Variants in INPP4B observed in about 807,000 individuals in gnomAD.
INPP4B encodes inositol polyphosphate 4-phosphatase type II.
In INPP4B, 55 loss-of-function variants were observed where a neutral mutation model predicts 122.5. The ratio of observed to expected loss-of-function variants is 0.45; its 90% CI spans 0.36 to 0.56. The LOEUF (loss-of-function observed/expected upper bound fraction) is 0.56. Among genes scored for constraint, INPP4B ranks in the 20% least tolerant of loss-of-function variants. The probability of loss-of-function intolerance (pLI) is 0.00; values close to 1 mark genes in which losing one functional copy is unlikely to be tolerated. For synonymous variants in INPP4B, 403 were observed against 388.7 expected, an observed-to-expected ratio of 1.04 and a Z score of -0.43; for missense variants, 1,000 against 1,097.7, an observed-to-expected ratio of 0.91 and a Z score of 1.26.
chr4:142,287,390 G>A (rs1754231347), intron 9 of INPP4B: 1 of 152,134 alleles, frequency 6.6e-6, no homozygotes, highest in Non-Finnish European at 1.5e-5. Context: ...GAGTTCATAA[G>A]CGTCGGCTGT....
chr4:142,099,734 AATC>A lies in INPP4B; in HGVS notation c.2374+8356_2374+8358del, dbSNP rs1783652644. Among the ~76,000 whole-genome samples, 5 of 152,298 alleles carry A rather than the reference AATC, an allele frequency of 3.3e-5. No individual in the cohort carries two copies. The South Asian group carries it at 1.0e-3, about 32-fold the overall frequency. ...ATCAAGGTAATCTCACATTGAACAG[AATC>A]ATCATTACTGCTGAGTTGTTTTACA... On this transcript the variant is annotated intron_variant, in intron 23 of 25. Coordinates refer to ENST00000262992, the MANE Select transcript of INPP4B (RefSeq NM_001101669.3).
intron 2 of INPP4B, among the ~76,000 whole-genome samples, chr4:142,539,173 A>G (rs1285867172): frequency 1.3e-5 from 2 of 148,914 alleles, no homozygotes; most frequent in African/African-American, 4.9e-5. Flanking sequence ...ATATATATAT[A>G]CTGCCAGATA....
chr4:142,157,421 TAGA>T (rs1311397824), intron 17 of INPP4B, among the ~76,000 whole-genome samples: 2 of 152,102 alleles, frequency 1.3e-5, no homozygotes, highest in Non-Finnish European at 2.9e-5. Flanking sequence ...AAAATTATAT[TAGA>T]AGGAGAGAAT....
At chr4:142,711,619 A>G (rs1322802180) in intron 2 of INPP4B, among the ~76,000 whole-genome samples, 2 of 152,156 alleles carry the variant, frequency 1.3e-5, no homozygotes, top group East Asian at 1.9e-4. Context: ...AGCCATTGCT[A>G]TGGTCTGAAT....
chr4:142,784,133 C>T (rs919005870), intron 1 of INPP4B, among the ~76,000 whole-genome samples: 2 of 151,958 alleles, frequency 1.3e-5, no homozygotes, highest in South Asian at 2.1e-4. Context: ...GAGGCTGAGG[C>T]GGGCAGATGG....
At chr4:142,640,519 C>A (rs1032474070) in intron 2 of INPP4B, among the ~76,000 whole-genome samples, 1 of 151,336 alleles carries the variant, frequency 6.6e-6, no homozygotes, top group South Asian at 2.1e-4. Flanking sequence ...TAGCAAAGGT[C>A]CTAAAATATA....
At chr4:142,331,530 G>C (rs1009268910) in intron 7 of INPP4B, among the ~76,000 whole-genome samples, 1 of 152,142 alleles carries the variant, frequency 6.6e-6, no homozygotes, top group South Asian at 2.1e-4. Context: ...CCTCTCACAT[G>C]CCAGATGATA....
chr4:142,086,049 C>T (rs1002648679), intron 24 of INPP4B, 95 bp downstream of exon 24: 24 of 808,978 alleles, frequency 3.0e-5, no homozygotes, highest in Non-Finnish European at 4.8e-5. Flanking sequence ...CCTGGCAACC[C>T]AAAGTGCAGA....
At chr4:142,591,703 C>T (rs777587323) in intron 2 of INPP4B, among the ~76,000 whole-genome samples, 9 of 152,054 alleles carry the variant, frequency 5.9e-5, no homozygotes, top group Non-Finnish European at 1.3e-4. Context: ...TCCTCAACAG[C>T]GCTAAGTAAT....
In INPP4B at chr4:142,689,376, C is replaced by G. The variant is rs563052370; in HGVS notation, c.-191+36463G>C. ...TACATGTTTGTTGGGTATGGACTAG[C>G]ACCCAGGACCATACGAAGGTCTCAG... On this transcript the variant is annotated intron_variant, in intron 2 of 25. Coordinates refer to ENST00000262992, the MANE Select transcript of INPP4B (RefSeq NM_001101669.3). Among the ~76,000 whole-genome samples, 101 of 152,266 alleles carry G rather than the reference C, an allele frequency of 6.6e-4. 1 individual carries two copies. The highest frequency in any genetic ancestry group is 5.6e-3 in the Admixed American group (85 of 15,284).
intron 1 of INPP4B, among the ~76,000 whole-genome samples, chr4:142,804,628 T>A (rs1325048093): frequency 6.6e-6 from 1 of 152,184 alleles, no homozygotes; most frequent in Non-Finnish European, 1.5e-5. Context: ...CGTTTTGATA[T>A]CACCTTCTAG....
chr4:142,230,643 C>A (rs1430083857), intron 12 of INPP4B, among the ~76,000 whole-genome samples: 65 of 79,558 alleles, frequency 8.2e-4, no homozygotes, highest in Non-Finnish European at 9.3e-4. Context: ...AACTCCACCT[C>A]AAAAAAAAAA....
chr4:142,055,376 CT>C (rs1364164372), intron 25 of INPP4B, among the ~76,000 whole-genome samples: 3 of 152,184 alleles, frequency 2.0e-5, no homozygotes, highest in Admixed American at 1.3e-4. Context: ...GGACTTCAAA[CT>C]TACGCAGAAT....
At chr4:142,714,363 T>G (rs532550084) in intron 2 of INPP4B, among the ~76,000 whole-genome samples, 1 of 152,316 alleles carries the variant, frequency 6.6e-6, no homozygotes, top group South Asian at 2.1e-4. Context: ...TGCACTTTCC[T>G]CACACGTTGA....
chr4:142,397,361 T>G (rs1799681029), intron 7 of INPP4B, among the ~76,000 whole-genome samples: 1 of 152,170 alleles, frequency 6.6e-6, no homozygotes, highest in South Asian at 2.1e-4. Context: ...TAAACTCAGG[T>G]ATTTCACAAC....
intron 25 of INPP4B, among the ~76,000 whole-genome samples, chr4:142,045,710 G>C (rs1750979922): frequency 6.6e-6 from 1 of 152,022 alleles, no homozygotes; most frequent in Non-Finnish European, 1.5e-5. Flanking sequence ...AATAAGTTGG[G>C]AAATGCTGGG....
chr4:142,740,673 A>C (rs967064982), intron 1 of INPP4B, among the ~76,000 whole-genome samples: 7 of 151,952 alleles, frequency 4.6e-5, no homozygotes, highest in African/African-American at 1.7e-4. Context: ...CAAAAGCCCA[A>C]AAGGGTGGAC....
chr4:142,765,065 C>G (rs2150983534), intron 1 of INPP4B, among the ~76,000 whole-genome samples: 1 of 152,014 alleles, frequency 6.6e-6, no homozygotes. Context: ...GGAGATTAAG[C>G]CACAGTGAGG....
intron 18 of INPP4B, among the ~76,000 whole-genome samples, chr4:142,130,481 G>T (rs1415446847): frequency 6.6e-5 from 10 of 152,100 alleles, no homozygotes; most frequent in African/African-American, 2.4e-4. Context: ...TAGGGGTGGG[G>T]ATAAAGGACG....
Sources: allele counts gnomAD v4.1 joint callset (sites outside exome capture counted in the v4.1 genomes callset), GRCh38; gene constraint gnomAD v4.1.1; transcripts MANE v1.5; gene names NCBI Gene and HGNC (gene_info 2026-07-23, HGNC 2026-07-21).